Variants in CEP120 observed in about 807,000 individuals in gnomAD.
The protein encoded by CEP120 is centrosomal protein of 120 kDa.
In CEP120, 113 loss-of-function variants were observed where a neutral mutation model predicts 126.5. That is an observed-to-expected ratio of 0.89 (90% CI 0.77 to 1.04). The LOEUF (loss-of-function observed/expected upper bound fraction) is 1.04. Among genes scored for constraint, CEP120 ranks in the 50% least tolerant of loss-of-function variants. The pLI, the probability that CEP120 is intolerant of heterozygous loss-of-function variation, is 0.00. For synonymous variants in CEP120, 400 were observed against 394.3 expected (o/e 1.01, Z -0.17); for missense variants, 1,230 against 1,155.7 (o/e 1.06, Z -0.93).
At chr5:123,415,701 C>G (rs1420297605) in intron 3 of CEP120, among the ~76,000 whole-genome samples, 3 of 152,012 alleles carry the variant, frequency 2.0e-5, no homozygotes, top group Middle Eastern at 3.2e-3. Flanking sequence ...TAGCAAAACC[C>G]CATCACTAAA....
intron 14 of CEP120, among the ~76,000 whole-genome samples, chr5:123,378,767 T>C (rs1193250844): frequency 1.3e-5 from 2 of 152,082 alleles, no homozygotes; most frequent in Non-Finnish European, 2.9e-5. Context: ...GAAACGCATA[T>C]GTAGTGTAAG....
intron 18 of CEP120, 72 bp from the exon 19 acceptor site, chr5:123,350,161 G>T: frequency 1.5e-6 from 2 of 1,361,300 alleles, no homozygotes; most frequent in Non-Finnish European, 2.0e-6. Flanking sequence ...TTTGACTTGT[G>T]ATTATAATCC....
rs919156099 is a variant in CEP120 at position 123,394,002 on chromosome 5, C to CA, written c.613-506dup. Among the ~76,000 whole-genome samples the CA allele has an allele frequency of 2.3e-4, 35 of 152,080 alleles. 1 individual carries two copies. The highest frequency in any genetic ancestry group is 6.0e-4 in the African/African-American group (25 of 41,488). On this transcript the variant is annotated intron_variant, in intron 5 of 19. Transcript: ENST00000306467. ...ATTTAGAGGCCTATGAAAATAACAC[C>CA]AAAAAAATACCTTTTGTACTATGAG...
At chr5:123,350,226 C>T in intron 18 of CEP120, 137 bp from the exon 19 acceptor site, 3 of 762,698 alleles carry the variant, frequency 3.9e-6, no homozygotes, top group Non-Finnish European at 4.1e-6. Context: ...TTTTTTTTAA[C>T]AGAGTCTCAC....
At chr5:123,416,603 T>C (rs367663154) in intron 2 of CEP120, among the ~76,000 whole-genome samples, 2 of 121,762 alleles carry the variant, frequency 1.6e-5, no homozygotes, top group African/African-American at 5.1e-5. Context: ...ATAAAAAAAA[T>C]AAACAGGTAA....
intron 18 of CEP120, among the ~76,000 whole-genome samples, chr5:123,363,362 C>T (rs903720870): frequency 6.6e-6 from 1 of 151,432 alleles, no homozygotes; most frequent in African/African-American, 2.4e-5. Context: ...ATAGTTGTTT[C>T]TTCCTTATTA....
intron 8 of CEP120, 26 bp downstream of exon 8, chr5:123,389,898 T>C (rs967603265): frequency 1.3e-6 from 2 of 1,582,238 alleles, no homozygotes; most frequent in Non-Finnish European, 1.7e-6. Flanking sequence ...CTCAAAGATC[T>C]ATAAACAAAC....
intron 17 of CEP120, among the ~76,000 whole-genome samples, chr5:123,368,955 C>T (rs1428388): frequency 0.69 from 104,251 of 151,636 alleles, 35,960 homozygotes; most frequent in Middle Eastern, 0.72. Context: ...AAAAATGTTA[C>T]CTAGGTTTTT....
intron 2 of CEP120, among the ~76,000 whole-genome samples, chr5:123,417,486 A>C (rs1226066442): frequency 1.3e-5 from 2 of 152,138 alleles, no homozygotes; most frequent in Admixed American, 1.3e-4. Flanking sequence ...TCTATTTTAT[A>C]TACTAATAAA....
At chr5:123,399,317 G>A (rs1400120872) in intron 4 of CEP120, 33 bp from the exon 5 acceptor site, 1 of 1,603,428 alleles carries the variant, frequency 6.2e-7, no homozygotes, top group Non-Finnish European at 8.5e-7. Context: ...AAACTACATT[G>A]TAGTTTGTCA....
intron 4 of CEP120, chr5:123,403,248 TTCTTTACCG>T (rs1484550174): frequency 2.2e-6 from 1 of 455,166 alleles, no homozygotes; most frequent in Non-Finnish European, 4.4e-6. Flanking sequence ...CTAAAAATCA[TTCTTTACCG>T]AAAGGAAGCA....
At chr5:123,397,141 T>C (rs746839553) in intron 5 of CEP120, among the ~76,000 whole-genome samples, 5 of 152,078 alleles carry the variant, frequency 3.3e-5, no homozygotes, top group Non-Finnish European at 4.4e-5. Flanking sequence ...CTGGCAAATA[T>C]GGTGAAACCC....
chr5:123,350,993 GT>G (rs1561988851), intron 18 of CEP120, among the ~76,000 whole-genome samples: 2 of 152,134 alleles, frequency 1.3e-5, no homozygotes, highest in Admixed American at 6.5e-5. Flanking sequence ...ATTTTCTTTT[GT>G]TTAGGACAGA....
At chr5:123,420,543 G>A (rs914574015) in intron 1 of CEP120, among the ~76,000 whole-genome samples, 1 of 152,162 alleles carries the variant, frequency 6.6e-6, no homozygotes, top group African/African-American at 2.4e-5. Context: ...GACTGAAAAG[G>A]TAGGCAAGAG....
intron 5 of CEP120, among the ~76,000 whole-genome samples, chr5:123,398,286 T>C (rs1772932973): frequency 6.6e-6 from 1 of 151,944 alleles, no homozygotes; most frequent in Admixed American, 6.6e-5. Flanking sequence ...GAATAACAGC[T>C]AGTTTTGTGT....
chr5:123,348,580 A>C (rs1039445221), intron 19 of CEP120, among the ~76,000 whole-genome samples: 1 of 152,214 alleles, frequency 6.6e-6, no homozygotes, highest in Non-Finnish European at 1.5e-5. Flanking sequence ...TTATCTTTTA[A>C]ATATAGTTAT....
intron 1 of CEP120, chr5:123,422,707 A>G: frequency 2.7e-6 from 2 of 733,904 alleles, no homozygotes; most frequent in Admixed American, 4.8e-5. Flanking sequence ...CGTTTTCTCT[A>G]GATTCTCTGG....
intron 19 of CEP120, among the ~76,000 whole-genome samples, chr5:123,348,611 C>A (rs1254108720): frequency 6.6e-6 from 1 of 152,188 alleles, no homozygotes; most frequent in Non-Finnish European, 1.5e-5. Context: ...TAGGAACCCA[C>A]TTAATATAGT....
chr5:123,388,625 A>G lies in CEP120; in HGVS notation c.1256-19T>C. On this transcript the variant is annotated intron_variant, in intron 8 of 19. Transcript: ENST00000306467. ...GAACTGGCTGAAATGAACATAAAAT[A>G]AAACAAAATAATCACACTTGCTAAC... The G allele has an allele frequency of 6.6e-7, 1 of 1,517,074 alleles. No homozygotes were observed. Among genetic ancestry groups the G allele is most frequent in the South Asian group, 1.3e-5 (1 of 75,008 alleles). The allele number at this position is 1,517,074 out of a possible 1,614,324, so 94.0% of individuals were successfully genotyped here.
Sources: gnomAD v4.1 joint callset for allele counts (sites outside exome capture counted in the v4.1 genomes callset) on GRCh38, gnomAD v4.1.1 for gene constraint, MANE v1.5 for transcripts, NCBI Gene and HGNC (gene_info 2026-07-23, HGNC 2026-07-21) for gene names.